CCDC86: variants seen among roughly 807,000 people sequenced by gnomAD.
CCDC86 encodes coiled-coil domain-containing protein 86.
Under a neutral mutation model 36.7 loss-of-function variants are expected in CCDC86, and 28 were observed. That is an observed-to-expected ratio of 0.76 (90% CI 0.57 to 1.05). The LOEUF (loss-of-function observed/expected upper bound fraction) is 1.05, where lower values mean the gene tolerates loss of function less well. Ranked by LOEUF, CCDC86 falls within the 50% of genes least tolerant of loss-of-function variation. The pLI is 0.00. For synonymous variants in CCDC86, 199 were observed against 203.4 expected (o/e 0.98, Z 0.18); for missense variants, 453 against 470.2 (o/e 0.96, Z 0.34).
intron 1 of CCDC86, chr11:60,847,721 C>T (rs1196870585): frequency 1.9e-6 from 1 of 525,010 alleles, no homozygotes; most frequent in East Asian, 4.5e-5. Context: ...GTAGCCAAGG[C>T]TTGAGAAATG....
rs1481784254 is a variant in CCDC86, at chr11:60,842,318, C to T, written c.194C>T (p.Thr65Ile). The T allele has an allele frequency of 2.5e-6, 4 of 1,613,576 alleles. No individual in the cohort carries two copies. Among genetic ancestry groups the T allele is most frequent in the Non-Finnish European group, 3.4e-6 (4 of 1,179,910 alleles). The change falls in exon 1 of 4, where the codon ACA becomes ATA. Residue 65 changes from threonine to isoleucine, a missense_variant. Physicochemically the swap from Thr to Ile is moderately conservative, Grantham distance 89. Transcript: ENST00000227520. ...GGGTCCCCCGAAAGGCCGCCGAAGA[C>T]AAGCCCAGGATCACCCCGTCTGCAG... The part of the protein sequence containing the change: ...GLGSPERPPK[T>I]SPGSPRLQQG...
At chr11:60,844,019 C>T (rs1255832101) in intron 1 of CCDC86, among the ~76,000 whole-genome samples, 1 of 152,214 alleles carries the variant, frequency 6.6e-6, no homozygotes, top group Non-Finnish European at 1.5e-5. Context: ...CCCCTCTGCC[C>T]TGTCCCAGGG....
chr11:60,842,168 G>A lies in CCDC86; in HGVS notation c.44G>A (p.Arg15Lys). Reference protein sequence around the residue: ...LRRSRRLGGLRPESPESLTSV... With the variant: ...LRRSRRLGGLKPESPESLTSV... ...CGCAGCCGACGGCTGGGAGGCCTAA[G>A]GCCCGAATCCCCCGAGAGCCTCACC... The change falls in exon 1 of 4, where the codon AGG (arginine) becomes AAG (lysine). Residue 15 changes from arginine (R) to lysine (K), a missense_variant. Transcript: ENST00000227520. 1 of 1,608,628 alleles carries A rather than the reference G, an allele frequency of 6.2e-7. No individual in the cohort carries two copies. Among genetic ancestry groups the A allele is most frequent in the African/African-American group, 1.3e-5 (1 of 74,672 alleles).
rs953054323 is a variant in CCDC86 at position 60,850,795 on chromosome 11, A to C, written c.*470A>C. 1.3e-5 allele frequency: 2 copies of C among 158,388 alleles called. No homozygotes were observed. The allele number at this position is 158,388 out of a possible 1,614,324, so 9.8% of individuals were successfully genotyped here. A position where few individuals can be genotyped will look rare whatever the true frequency, so the allele number is the denominator to read the frequency against. ...ACACCCCACTGCCTCTGTCCCCAGC[A>C]GACTGAATCCGGTTCCTCTCCACTT... On this transcript the variant is annotated 3_prime_UTR_variant, in exon 4 of 4. Coordinates refer to ENST00000227520, the MANE Select transcript of CCDC86 (RefSeq NM_024098.4).
intron 2 of CCDC86, 141 bp downstream of exon 2, chr11:60,848,194 G>A (rs1590574167): frequency 1.0e-5 from 11 of 1,085,496 alleles, no homozygotes; most frequent in East Asian, 9.5e-5. Flanking sequence ...AAGGCCGGAG[G>A]GAGGAAGGGC....
At chr11:60,843,876 T>G (rs7130047) in intron 1 of CCDC86, among the ~76,000 whole-genome samples, 6,614 of 152,246 alleles carry the variant, frequency 0.043, 474 homozygotes, top group African/African-American at 0.15. Flanking sequence ...CCCTAGGCTG[T>G]GGATATTATC....
In CCDC86 at chr11:60,842,782, C is replaced by T; in HGVS notation, c.658C>T (p.Gln220Ter). The T allele has an allele frequency of 6.2e-7, 1 of 1,612,698 alleles. No homozygotes were observed. Among genetic ancestry groups the T allele is most frequent in the Non-Finnish European group, 8.5e-7 (1 of 1,178,960 alleles). Residue 220 changes from glutamine to a stop codon, truncating the protein, a stop_gained, in exon 1 of 4, where the codon CAG becomes TAG. Transcript: ENST00000227520. LOFTEE classifies it high-confidence loss of function. ...AAAGAAGCGAAAAGGTTCTTCATCC[C>T]AGGCCCCAGCGTCCAAGAAGTTGAA... ...GAKKRKGSSS[Q>*]APASKKLNKE...
Sources: allele counts gnomAD v4.1 joint callset (sites outside exome capture counted in the v4.1 genomes callset), GRCh38; gene constraint gnomAD v4.1.1; transcripts MANE v1.5; gene names NCBI Gene and HGNC (gene_info 2026-07-23, HGNC 2026-07-21).